PRICKLE1: variants seen among roughly 807,000 people sequenced by gnomAD.
PRICKLE1 encodes prickle-like protein 1.
Under a neutral mutation model 70.2 loss-of-function variants are expected in PRICKLE1, and 14 were observed. That is an observed-to-expected ratio of 0.20 (90% CI 0.13 to 0.31). The LOEUF (loss-of-function observed/expected upper bound fraction) is 0.31. Among genes scored for constraint, PRICKLE1 ranks in the 10% least tolerant of loss-of-function variants. The pLI is 1.00. For synonymous variants in PRICKLE1, 357 were observed against 379.9 expected (o/e 0.94, Z 0.70); for missense variants, 821 against 1,026.2 (o/e 0.80, Z 2.73).
At chr12:42,588,025 G>T (rs1049510763) in intron 1 of PRICKLE1, among the ~76,000 whole-genome samples, 3 of 152,112 alleles carry the variant, frequency 2.0e-5, no homozygotes, top group Non-Finnish European at 4.4e-5. Context: ...CTCCCAAGGG[G>T]CTAGAGTCCA....
chr12:42,495,213 A>G (rs1392888428), intron 1 of PRICKLE1, among the ~76,000 whole-genome samples: 3 of 151,224 alleles, frequency 2.0e-5, no homozygotes, highest in African/African-American at 4.9e-5. Context: ...TACAAAAACA[A>G]AACAAAACAA....
In PRICKLE1 at chr12:42,559,625, T is replaced by TATA. The variant is rs1491144082; in HGVS notation, c.-49+29839_-49+29840insTAT. ...GTGTGTGTATATATATATATATATA[T>TATA]TTTTTTTTTTTGGGGGGGGTAGAGA... On this transcript the variant is annotated intron_variant, in intron 1 of 7. Coordinates refer to ENST00000345127, the MANE Select transcript of PRICKLE1 (RefSeq NM_153026.3). Among the ~76,000 whole-genome samples, 177 of 19,538 alleles carry TATA rather than the reference T, an allele frequency of 9.1e-3. 2 individuals are homozygous for TATA. In the South Asian group the frequency reaches 0.15, roughly 17 times the overall value. The allele number at this position is 19,538 out of a possible 152,430, so 12.8% of individuals were successfully genotyped here. A position where few individuals can be genotyped will look rare whatever the true frequency, so the allele number is the denominator to read the frequency against.
At chr12:42,539,750 G>GT (rs1314034556) in intron 1 of PRICKLE1, among the ~76,000 whole-genome samples, 3 of 152,152 alleles carry the variant, frequency 2.0e-5, no homozygotes, top group Non-Finnish European at 2.9e-5. Flanking sequence ...TATGCATTAA[G>GT]TTTTTTTAAA....
At chr12:42,499,895 T>C (rs1939276095) in intron 1 of PRICKLE1, among the ~76,000 whole-genome samples, 1 of 151,522 alleles carries the variant, frequency 6.6e-6, no homozygotes, top group Admixed American at 6.6e-5. Flanking sequence ...GCCTGGCTAA[T>C]TTTTGTAGTT....
chr12:42,468,550 GC>G, intron 5 of PRICKLE1, 75 bp downstream of exon 5: 1 of 1,309,630 alleles, frequency 7.6e-7, no homozygotes, highest in South Asian at 1.2e-5. Flanking sequence ...TTAGTATTTT[GC>G]TTGATGTAAA....
chr12:42,460,645 T>C lies in PRICKLE1; in HGVS notation c.1660A>G (p.Asn554Asp), dbSNP rs1251183992. 1 of 1,610,684 alleles carries C rather than the reference T, an allele frequency of 6.2e-7. No homozygotes were observed. The highest frequency in any genetic ancestry group is 2.2e-5 in the East Asian group (1 of 44,882). The change falls in exon 8 of 8, where the codon AAC becomes GAC. Residue 554 changes from asparagine to aspartate, a missense_variant. Coordinates refer to ENST00000345127, the MANE Select transcript of PRICKLE1 (RefSeq NM_153026.3). ...GAATACAATGATGGCCTTGGCTTGT[T>C]TTCTCCATCCACCGAAGCCCCTAGA... is the stretch of plus-strand genomic sequence containing the variant. ...NITGASVDGENKPRPSLYSLQ... is the reference protein window; with the variant it reads ...NITGASVDGEDKPRPSLYSLQ...
At chr12:42,512,337 AT>A (rs34419982) in intron 1 of PRICKLE1, among the ~76,000 whole-genome samples, 2 of 151,578 alleles carry the variant, frequency 1.3e-5, no homozygotes, top group South Asian at 2.1e-4. Flanking sequence ...TGCCCAGCTA[AT>A]TTTTTTTGTA....
At chr12:42,562,171 A>T (rs1302834458) in intron 1 of PRICKLE1, among the ~76,000 whole-genome samples, 4 of 152,082 alleles carry the variant, frequency 2.6e-5, no homozygotes, top group African/African-American at 9.7e-5. Context: ...TGGTCTCCCA[A>T]AGTGCTGGGA....
chr12:42,507,556 C>T (rs1939441554), intron 1 of PRICKLE1, among the ~76,000 whole-genome samples: 1 of 152,192 alleles, frequency 6.6e-6, no homozygotes, highest in Non-Finnish European at 1.5e-5. Flanking sequence ...TAGCTTTTCA[C>T]TTGCTCAGTC....
intron 1 of PRICKLE1, among the ~76,000 whole-genome samples, chr12:42,552,280 C>T (rs2406871): frequency 0.16 from 23,964 of 151,996 alleles, 2,424 homozygotes; most frequent in South Asian, 0.22. Flanking sequence ...GTTGCCTAGG[C>T]TGGTCTTGAA....
intron 1 of PRICKLE1, among the ~76,000 whole-genome samples, chr12:42,519,048 T>C (rs570508844): frequency 3.5e-4 from 53 of 152,250 alleles, no homozygotes; most frequent in African/African-American, 1.2e-3. Flanking sequence ...ACTTCTCTCT[T>C]GGCACATGAC....
At chr12:42,490,245 C>T (rs1448338345) in intron 1 of PRICKLE1, among the ~76,000 whole-genome samples, 2 of 152,134 alleles carry the variant, frequency 1.3e-5, no homozygotes, top group African/African-American at 4.8e-5. Context: ...ATTTGAGCTG[C>T]ATTTTTAAGG....
At chr12:42,465,527 A>C (rs1938062918) in intron 6 of PRICKLE1, 1 of 462,120 alleles carries the variant, frequency 2.2e-6, no homozygotes, top group Non-Finnish European at 3.9e-6. Flanking sequence ...AACTGAACCA[A>C]CATGCACTGA....
At chr12:42,541,829 A>G (rs1240043930) in intron 1 of PRICKLE1, among the ~76,000 whole-genome samples, 1 of 152,220 alleles carries the variant, frequency 6.6e-6, no homozygotes, top group Non-Finnish European at 1.5e-5. Context: ...TTGAAGGTAG[A>G]ATAGTGAGCA....
intron 2 of PRICKLE1, among the ~76,000 whole-genome samples, chr12:42,471,485 C>G (rs879353464): frequency 3.9e-5 from 6 of 152,150 alleles, no homozygotes; most frequent in Admixed American, 1.3e-4. Flanking sequence ...TTTCTAACTG[C>G]TTCACCAGCA....
intron 1 of PRICKLE1, among the ~76,000 whole-genome samples, chr12:42,512,016 C>T (rs1181139183): frequency 6.6e-6 from 1 of 152,200 alleles, no homozygotes; most frequent in Non-Finnish European, 1.5e-5. Flanking sequence ...CATTCTACCC[C>T]TCTGGGGTTG....
At chr12:42,570,815 G>A (rs1940698570) in intron 1 of PRICKLE1, among the ~76,000 whole-genome samples, 1 of 152,110 alleles carries the variant, frequency 6.6e-6, no homozygotes, top group Admixed American at 6.6e-5. Flanking sequence ...GCAAAACTCT[G>A]TCTCTAAATA....
rs1593107132 is a variant in PRICKLE1, at chr12:42,465,261, G to A, written c.776-3C>T. The A allele has an allele frequency of 1.9e-6, 3 of 1,613,970 alleles. No homozygotes were observed. In the East Asian group the frequency reaches 6.7e-5, roughly 36 times the overall value. On this transcript the variant is annotated splice_region_variant and splice_polypyrimidine_tract_variant and intron_variant, in intron 6 of 7. Coordinates refer to ENST00000345127, the MANE Select transcript of PRICKLE1 (RefSeq NM_153026.3). ...GGTCATCTGTGCATGGTCCACACCTGTTTTGAAAAGGATAGAATAAATAAC... is the reference window on the plus strand; with the variant it reads ...GGTCATCTGTGCATGGTCCACACCTATTTTGAAAAGGATAGAATAAATAAC...
intron 1 of PRICKLE1, among the ~76,000 whole-genome samples, chr12:42,510,802 A>G (rs1782469360): frequency 6.6e-6 from 1 of 152,186 alleles, no homozygotes; most frequent in South Asian, 2.1e-4. Context: ...ACCTTTATGT[A>G]TGTGCCTAGT....
Sources: allele counts gnomAD v4.1 joint callset (sites outside exome capture counted in the v4.1 genomes callset), GRCh38; gene constraint gnomAD v4.1.1; transcripts MANE v1.5; gene names NCBI Gene and HGNC (gene_info 2026-07-23, HGNC 2026-07-21).